STK3: variants seen among roughly 807,000 people sequenced by gnomAD.
The protein encoded by STK3 is serine/threonine-protein kinase 3.
STK3 carries 41 observed loss-of-function variants against 58.0 expected under a neutral mutation model. That is an observed-to-expected ratio of 0.71 (90% CI 0.55 to 0.92). STK3 has a LOEUF of 0.92. Among genes scored for constraint, STK3 ranks in the 40% least tolerant of loss-of-function variants. STK3 has a pLI of 0.00. For synonymous variants in STK3, 170 were observed against 191.0 expected, an observed-to-expected ratio of 0.89 and a Z score of 0.91; for missense variants, 479 against 602.7, an observed-to-expected ratio of 0.79 and a Z score of 2.15.
At chr8:98,436,666 G>A (rs1281346319) in intron 2 of STK3, 3 of 152,242 alleles carry the variant, frequency 2.0e-5, no homozygotes, top group African/African-American at 7.2e-5. Flanking sequence ...AGACTTGAGA[G>A]ACACTTTACT....
At chr8:98,596,884 T>TA (rs1337082604) in intron 6 of STK3, among the ~76,000 whole-genome samples, 1 of 151,746 alleles carries the variant, frequency 6.6e-6, no homozygotes, top group African/African-American at 2.4e-5. Context: ...AGAAGTAGAT[T>TA]AAAAAAACAA....
intron 1 of STK3, chr8:98,905,579 A>G (rs1838865302): frequency 9.3e-7 from 1 of 1,074,982 alleles, no homozygotes; most frequent in East Asian, 2.4e-5. Context: ...TAATGATGTC[A>G]CATTCCAGCA....
intron 1 of STK3, among the ~76,000 whole-genome samples, chr8:98,909,887 G>A (rs947235478): frequency 2.0e-5 from 3 of 151,334 alleles, no homozygotes. Flanking sequence ...GTAGAATATG[G>A]TAATACTATG....
chr8:98,655,573 C>T (rs1441103517), intron 6 of STK3, among the ~76,000 whole-genome samples: 5 of 151,452 alleles, frequency 3.3e-5, no homozygotes, highest in East Asian at 1.9e-4. Flanking sequence ...AGAAAATTTT[C>T]GCAACCTACT....
intron 1 of STK3, among the ~76,000 whole-genome samples, chr8:98,923,785 A>T (rs1254194662): frequency 2.0e-5 from 3 of 151,062 alleles, no homozygotes; most frequent in African/African-American, 7.4e-5. Flanking sequence ...GAAAAACCAG[A>T]ACATAAAACT....
intron 5 of STK3, among the ~76,000 whole-genome samples, chr8:98,706,842 A>G (rs1439785653): frequency 6.6e-6 from 1 of 152,220 alleles, no homozygotes; most frequent in East Asian, 1.9e-4. Flanking sequence ...ACTTATCCAC[A>G]CTACCATCAT....
At chr8:98,913,698 A>G (rs977052267) in intron 1 of STK3, among the ~76,000 whole-genome samples, 2 of 152,234 alleles carry the variant, frequency 1.3e-5, no homozygotes, top group Non-Finnish European at 2.9e-5. Flanking sequence ...CCCTTTCCAC[A>G]CTGCAATGTG....
At chr8:98,916,511 A>C (rs1839354999) in intron 1 of STK3, among the ~76,000 whole-genome samples, 2 of 152,188 alleles carry the variant, frequency 1.3e-5, no homozygotes, top group African/African-American at 4.8e-5. Context: ...TTTAAGAAGG[A>C]AAATGGAACA....
At chr8:98,605,637 T>C (rs1816714692) in intron 6 of STK3, among the ~76,000 whole-genome samples, 1 of 152,120 alleles carries the variant, frequency 6.6e-6, no homozygotes, top group Admixed American at 6.6e-5. Context: ...TGTAGTAAGT[T>C]ATCACAAATG....
chr8:98,909,013 A>G (rs1297913897), intron 1 of STK3, among the ~76,000 whole-genome samples: 1 of 152,014 alleles, frequency 6.6e-6, no homozygotes, highest in East Asian at 1.9e-4. Flanking sequence ...AGAATTAGCC[A>G]AGCATGGTGG....
chr8:98,457,223 C>T (rs1819563319), intron 10 of STK3, among the ~76,000 whole-genome samples: 1 of 152,158 alleles, frequency 6.6e-6, no homozygotes, highest in Non-Finnish European at 1.5e-5. Context: ...TAGTATTATA[C>T]ACTTTCTTCA....
intron 6 of STK3, among the ~76,000 whole-genome samples, chr8:98,639,879 G>C (rs1055232895): frequency 3.9e-5 from 6 of 152,086 alleles, no homozygotes; most frequent in African/African-American, 1.4e-4. Flanking sequence ...GGAAGGCTTA[G>C]GCAGATGGAT....
At chr8:98,833,976 GA>G (rs565111194) in intron 3 of STK3, among the ~76,000 whole-genome samples, 3 of 147,330 alleles carry the variant, frequency 2.0e-5, no homozygotes, top group South Asian at 2.1e-4. Context: ...GAAGAACTGA[GA>G]AAAAAAAAAC....
intron 3 of STK3, among the ~76,000 whole-genome samples, chr8:98,865,970 G>A (rs1346122475): frequency 6.6e-6 from 1 of 152,248 alleles, no homozygotes; most frequent in East Asian, 1.9e-4. Context: ...AGTGGGCAGA[G>A]GCTCTGCAAG....
At chr8:98,912,919 G>T (rs1360584126) in intron 1 of STK3, among the ~76,000 whole-genome samples, 1 of 151,844 alleles carries the variant, frequency 6.6e-6, no homozygotes, top group African/African-American at 2.4e-5. Context: ...TGGTTTATTT[G>T]TTTGTTTGAG....
intron 2 of STK3, among the ~76,000 whole-genome samples, chr8:98,769,363 A>C (rs1393114754): frequency 1.3e-5 from 2 of 152,306 alleles, no homozygotes; most frequent in Admixed American, 1.3e-4. Context: ...TGTTCTCATG[A>C]TAGTGAATGG....
chr8:98,755,108 G>A (rs1216191941), intron 3 of STK3, among the ~76,000 whole-genome samples: 4 of 152,132 alleles, frequency 2.6e-5, no homozygotes, highest in Admixed American at 6.5e-5. Context: ...TAACACCCAC[G>A]TAAGTAGATG....
intron 1 of STK3, among the ~76,000 whole-genome samples, chr8:98,791,064 G>T (rs941811302): frequency 3.3e-5 from 5 of 151,356 alleles, no homozygotes; most frequent in African/African-American, 1.2e-4. Context: ...TGTTTACCTA[G>T]AAAACCCTAA....
At chr8:98,575,938 T>C (rs979214379) in intron 8 of STK3, among the ~76,000 whole-genome samples, 4 of 152,240 alleles carry the variant, frequency 2.6e-5, no homozygotes, top group African/African-American at 9.6e-5. Context: ...TGCTTTAGTA[T>C]CATTCTCTAA....
Sources: gnomAD v4.1 joint callset for allele counts (sites outside exome capture counted in the v4.1 genomes callset) on GRCh38, gnomAD v4.1.1 for gene constraint, MANE v1.5 for transcripts, NCBI Gene and HGNC (gene_info 2026-07-23, HGNC 2026-07-21) for gene names.